JDP2: variants seen among roughly 807,000 people sequenced by gnomAD.
The protein encoded by JDP2 is progesterone receptor co-activator.
In JDP2, 9 loss-of-function variants were observed where a neutral mutation model predicts 17.1. The ratio of observed to expected loss-of-function variants is 0.53; its 90% CI spans 0.32 to 0.92. The LOEUF is 0.92. Among genes scored for constraint, JDP2 ranks in the 40% least tolerant of loss-of-function variants. The probability of loss-of-function intolerance (pLI) is 0.04; values close to 1 mark genes in which losing one functional copy is unlikely to be tolerated. For missense variants in JDP2, 179 were observed against 220.0 expected (o/e 0.81, Z 1.18); for synonymous variants, 107 against 95.6 (o/e 1.12, Z -0.69).
chr14:75,434,687 C>A (rs771503793), intron 1 of JDP2, among the ~76,000 whole-genome samples: 1 of 152,062 alleles, frequency 6.6e-6, no homozygotes, highest in Non-Finnish European at 1.5e-5. Flanking sequence ...CAGAGCCTAT[C>A]ATTCCCGGAA....
At chr14:75,446,780 A>G (rs151297849) in intron 2 of JDP2, among the ~76,000 whole-genome samples, 110 of 152,338 alleles carry the variant, frequency 7.2e-4, no homozygotes, top group Middle Eastern at 3.4e-3. Flanking sequence ...GGTGAATTGT[A>G]TACTTTAATG....
chr14:75,432,610 C>T (rs1052838866), intron 1 of JDP2, among the ~76,000 whole-genome samples: 10 of 152,182 alleles, frequency 6.6e-5, no homozygotes, highest in Non-Finnish European at 7.3e-5. Context: ...AACCTTAGAC[C>T]GCACCCACGT....
chr14:75,454,438 G>A (rs1053090323), intron 2 of JDP2, among the ~76,000 whole-genome samples: 7 of 152,146 alleles, frequency 4.6e-5, no homozygotes, highest in Admixed American at 1.3e-4. Flanking sequence ...GCTGTGCTGG[G>A]TGACTTACTG....
At chr14:75,455,898 C>T (rs1886080373) in intron 2 of JDP2, among the ~76,000 whole-genome samples, 1 of 152,096 alleles carries the variant, frequency 6.6e-6, no homozygotes, top group African/African-American at 2.4e-5. Context: ...GGTGACCCAC[C>T]TCTGCCTTTT....
chr14:75,434,217 T>G (rs1325720647), intron 1 of JDP2, among the ~76,000 whole-genome samples: 1 of 152,210 alleles, frequency 6.6e-6, no homozygotes, highest in Non-Finnish European at 1.5e-5. Context: ...AAAGTTGCCT[T>G]TCTGCCTTAG....
chr14:75,454,279 T>C (rs1385538100), intron 2 of JDP2, among the ~76,000 whole-genome samples: 11 of 152,230 alleles, frequency 7.2e-5, no homozygotes, highest in Admixed American at 6.5e-4. Context: ...GCAGTGATCA[T>C]GATCAGACCA....
At position 75,469,378 on chromosome 14, in the gene JDP2, T is replaced by C. The variant is rs1403761640; in HGVS notation, c.395T>C (p.Leu132Pro). 2 of 1,614,044 alleles carry C rather than the reference T, an allele frequency of 1.2e-6. No homozygotes were observed. The highest frequency in any genetic ancestry group is 3.3e-5 in the Admixed American group (2 of 60,004). The part of the protein sequence containing the change: ...KQERQQLILM[L>P]NRHRPTCIVR... ...GAGCGGCAGCAGCTCATCCTGATGC[T>C]GAACCGACACCGCCCCACCTGCATC... Residue 132 changes from leucine to proline, a missense_variant, in exon 4 of 4, where the codon CTG becomes CCG. Physicochemically the swap from Leu to Pro is moderately conservative, Grantham distance 98. Transcript: ENST00000651602.
intron 2 of JDP2, among the ~76,000 whole-genome samples, chr14:75,447,439 A>G (rs557191651): frequency 1.3e-5 from 2 of 152,050 alleles, no homozygotes; most frequent in South Asian, 4.1e-4. Flanking sequence ...TTAAAGCATA[A>G]TTTTATCTAT....
At chr14:75,433,131 G>T (rs112248173) in intron 1 of JDP2, among the ~76,000 whole-genome samples, 3,136 of 141,458 alleles carry the variant, frequency 0.022, 125 homozygotes, top group African/African-American at 0.079. Flanking sequence ...GGAGGCGGAG[G>T]TTGCGGTGAG....
chr14:75,456,955 C>T (rs1038941630), intron 2 of JDP2, among the ~76,000 whole-genome samples: 15 of 152,176 alleles, frequency 9.9e-5, no homozygotes, highest in African/African-American at 3.6e-4. Flanking sequence ...TGAAGTGTGG[C>T]ACAGCAGTAC....
chr14:75,453,346 A>G (rs1339107641), intron 2 of JDP2, among the ~76,000 whole-genome samples: 2 of 152,108 alleles, frequency 1.3e-5, no homozygotes, highest in Non-Finnish European at 2.9e-5. Context: ...TGGCTGTGTG[A>G]GGCCTGAGGC....
At chr14:75,443,082 C>T (rs1885429071) in intron 2 of JDP2, among the ~76,000 whole-genome samples, 1 of 152,010 alleles carries the variant, frequency 6.6e-6, no homozygotes, top group Non-Finnish European at 1.5e-5. Context: ...TCTCCAGGGT[C>T]CCTGGAGAAC....
rs1393035795 is a variant in JDP2 at position 75,472,467 on chromosome 14, A to G, written c.*2992A>G. 2 of 152,222 alleles carry G rather than the reference A, an allele frequency of 1.3e-5. No individual in the cohort carries two copies. Among genetic ancestry groups the G allele is most frequent in the Non-Finnish European group, 2.9e-5 (2 of 68,040 alleles). 9.4% of individuals were successfully genotyped at this position (152,222 alleles called of 1,614,324 possible). A position where few individuals can be genotyped will look rare whatever the true frequency, so the allele number is the denominator to read the frequency against. ...ACAGACCCACCTGTGCTCACAGTAC[A>G]TGTTAAGAATTCCCAAGTCTCAGGC... On this transcript the variant is annotated 3_prime_UTR_variant, in exon 4 of 4. Transcript: ENST00000651602.
chr14:75,446,297 T>C (rs1885597804), intron 2 of JDP2, among the ~76,000 whole-genome samples: 1 of 152,096 alleles, frequency 6.6e-6, no homozygotes, highest in Non-Finnish European at 1.5e-5. Context: ...ATTTCACTCC[T>C]ACATATATTT....
chr14:75,440,549 G>A (rs1885295232), intron 2 of JDP2, among the ~76,000 whole-genome samples: 1 of 152,192 alleles, frequency 6.6e-6, no homozygotes, highest in African/African-American at 2.4e-5. Context: ...ATATGTCCCA[G>A]GACCTGCACA....
At position 75,428,340 on chromosome 14, in the gene JDP2, CG is replaced by C. The variant is rs1206575919; in HGVS notation, c.-24+91del. On this transcript the variant is annotated intron_variant, in intron 1 of 3. Transcript: ENST00000651602. This position sits in a 1 kb window ranked among gnomAD's most constrained non-coding sequence, Gnocchi z 5.6. Reference sequence around the variant, plus strand: ...GGCACCTGGGACGGCCGCCCCCGCACGGGCGGAGCGCGAGGAGCCCCAGCCC... The same window carrying C: ...GGCACCTGGGACGGCCGCCCCCGCACGGCGGAGCGCGAGGAGCCCCAGCCC... 1 of 148,972 alleles carries C rather than the reference CG, an allele frequency of 6.7e-6. No individual in the cohort carries two copies. The highest frequency in any genetic ancestry group is 2.4e-5 in the African/African-American group (1 of 41,020). The allele number at this position is 148,972 out of a possible 1,614,324, so 9.2% of individuals were successfully genotyped here. A position where few individuals can be genotyped will look rare whatever the true frequency, so the allele number is the denominator to read the frequency against.
At position 75,461,444 on chromosome 14, in the gene JDP2, C is replaced by T; in HGVS notation, c.220C>T (p.Arg74Ter). Residue 74 changes from arginine to a stop codon, truncating the protein, a stop_gained, in exon 3 of 4, where the codon CGA becomes TGA. Coordinates refer to ENST00000651602, the MANE Select transcript of JDP2 (RefSeq NM_001135048.2). LOFTEE classifies it high-confidence loss of function. ...VKSELDEEEE[R>*]RKRRREKNKV... ...CTCACAGCTAGATGAGGAAGAGGAGCGAAGGAAAAGGCGCCGGGAGAAGAA... is the reference window on the plus strand; with the variant it reads ...CTCACAGCTAGATGAGGAAGAGGAGTGAAGGAAAAGGCGCCGGGAGAAGAA... 1.2e-6 allele frequency: 2 copies of T among 1,607,750 alleles called. No homozygotes were observed. Among genetic ancestry groups the T allele is most frequent in the Non-Finnish European group, 1.7e-6 (2 of 1,177,888 alleles).
At chr14:75,458,651 T>C (rs1261395598) in intron 2 of JDP2, among the ~76,000 whole-genome samples, 1 of 152,236 alleles carries the variant, frequency 6.6e-6, no homozygotes, top group Non-Finnish European at 1.5e-5. Flanking sequence ...GTCTTTATGG[T>C]AGAATGATTT....
At chr14:75,450,781 C>A (rs1885815948) in intron 2 of JDP2, among the ~76,000 whole-genome samples, 1 of 152,180 alleles carries the variant, frequency 6.6e-6, no homozygotes, top group African/African-American at 2.4e-5. Context: ...GCTGAGCACA[C>A]AAAAAGTCAA....
Sources: allele counts gnomAD v4.1 joint callset (sites outside exome capture counted in the v4.1 genomes callset), GRCh38; gene constraint gnomAD v4.1.1; non-coding constraint Gnocchi (gnomAD v3.1); transcripts MANE v1.5; gene names NCBI Gene and HGNC (gene_info 2026-07-23, HGNC 2026-07-21).